The following RBM24 variants were observed in gnomAD, a reference collection of about 807,000 sequenced individuals.
The protein encoded by RBM24 is RNA-binding protein 24.
RBM24 carries 5 observed loss-of-function variants against 23.6 expected under a neutral mutation model. The ratio of observed to expected loss-of-function variants is 0.21; its 90% CI spans 0.11 to 0.45. The LOEUF is 0.45. Among genes scored for constraint, RBM24 ranks in the 20% least tolerant of loss-of-function variants. The pLI is 0.99. For synonymous variants in RBM24, 151 were observed against 129.5 expected, an observed-to-expected ratio of 1.17 and a Z score of -1.13; for missense variants, 252 against 314.6, an observed-to-expected ratio of 0.80 and a Z score of 1.51.
At position 17,292,064 on chromosome 6, in the gene RBM24, C is replaced by G. The variant is rs985943587; in HGVS notation, c.656C>G (p.Ala219Gly). 6.3e-7 allele frequency: 1 copy of G among 1,593,202 alleles called. No homozygotes were observed. Among genetic ancestry groups the G allele is most frequent in the Middle Eastern group, 1.7e-4 (1 of 6,028 alleles). ...GCCGCCGCTGCAGCAGCTGCTGCCGCTGCAGCATTTGGCCAGTACCAGCCT... is the reference window on the plus strand; with the variant it reads ...GCCGCCGCTGCAGCAGCTGCTGCCGGTGCAGCATTTGGCCAGTACCAGCCT... ...AAAAAAAAAA[A>G]AAFGQYQPQQ... Residue 219 changes from alanine to glycine, a missense_variant, in exon 4 of 4, where the codon GCT (alanine) becomes GGT (glycine). Transcript: ENST00000379052.
At chr6:17,284,736 T>G (rs1760142533) in intron 3 of RBM24, 25 bp downstream of exon 3, 3 of 1,572,864 alleles carry the variant, frequency 1.9e-6, no homozygotes, top group Non-Finnish European at 1.7e-6. Flanking sequence ...CAGGCTTTCT[T>G]AAGTTTCAGT....
rs751198285 is a variant in RBM24, at chr6:17,291,869, G to A, written c.461G>A (p.Gly154Glu). 9.3e-6 allele frequency: 15 copies of A among 1,613,810 alleles called. No homozygotes were observed. Among genetic ancestry groups the A allele is most frequent in the East Asian group, 2.2e-5 (1 of 44,880 alleles). The change falls in exon 4 of 4, where the codon GGA becomes GAA. Residue 154 changes from glycine to glutamate, a missense_variant. By Grantham distance (98) the Gly-to-Glu change is moderately conservative. Transcript: ENST00000379052. Reference sequence around the variant, plus strand: ...ACCACCCCTTACATTGATTACACTGGAGCTGCATACGCACAATACTCAGCA... The same window carrying A: ...ACCACCCCTTACATTGATTACACTGAAGCTGCATACGCACAATACTCAGCA... ...ASTTPYIDYT[G>E]AAYAQYSAAA...
chr6:17,281,861 G>A lies in RBM24; in HGVS notation c.168+112G>A. On this transcript the variant is annotated intron_variant, in intron 1 of 3. Transcript: ENST00000379052. This position sits in a 1 kb window ranked among gnomAD's most constrained non-coding sequence, Gnocchi z 7.1. ...TGACCCGTGAGGAGCCCCGCGGGTA[G>A]AGCGGCGCTGCCCCTTCGCTCCGGG... The A allele has an allele frequency of 7.1e-7, 1 of 1,407,192 alleles. No homozygotes were observed. The highest frequency in any genetic ancestry group is 9.7e-7 in the Non-Finnish European group (1 of 1,031,822). 87.2% of individuals were successfully genotyped at this position (1,407,192 alleles called of 1,614,324 possible).
rs1187466747 is a variant in RBM24 at position 17,293,051 on chromosome 6, T to A, written c.*932T>A. ...TGCAGAACTGTCTTAAGGACATTTA[T>A]TTTTTTTCCCTTTTTAAGTAATTTT... On this transcript the variant is annotated 3_prime_UTR_variant, in exon 4 of 4. Transcript: ENST00000379052. 6.6e-6 allele frequency: 1 copy of A among 152,052 alleles called. No homozygotes were observed. Among genetic ancestry groups the A allele is most frequent in the African/African-American group, 2.4e-5 (1 of 41,402 alleles). The allele number at this position is 152,052 out of a possible 1,614,324, so 9.4% of individuals were successfully genotyped here.
Position 17,291,903 on chromosome 6 carries a change from T to C in RBM24, c.495T>C (p.Ala165=). The C allele has an allele frequency of 4.3e-6, 7 of 1,612,672 alleles. No homozygotes were observed. Among genetic ancestry groups the C allele is most frequent in the African/African-American group, 1.3e-5 (1 of 75,046 alleles). The stretch of plus-strand genomic sequence containing the variant: ...ACGCACAATACTCAGCAGCTGCTGC[T>C]GCTGCCGCCGCCGCTGCTGCCTATG... ...AAYAQYSAAA[A]AAAAAAAYDQ... Residue 165 remains alanine, a synonymous_variant, in exon 4 of 4, where the codon GCT becomes GCC. Coordinates refer to ENST00000379052, the MANE Select transcript of RBM24 (RefSeq NM_001143942.2).
At chr6:17,287,468 A>G (rs1760229899) in intron 3 of RBM24, among the ~76,000 whole-genome samples, 1 of 152,166 alleles carries the variant, frequency 6.6e-6, no homozygotes, top group Non-Finnish European at 1.5e-5. Flanking sequence ...TTCCTTATTG[A>G]AACCTTGGAA....
At chr6:17,282,011 T>G in intron 1 of RBM24, 1 of 1,333,640 alleles carries the variant, frequency 7.5e-7, no homozygotes, top group Non-Finnish European at 9.7e-7. Context: ...AGACCTGTAA[T>G]GACGGCGGGA....
At position 17,292,651 on chromosome 6, in the gene RBM24, C is replaced by T. The variant is rs1760407361; in HGVS notation, c.*532C>T. 6.5e-6 allele frequency: 1 copy of T among 152,682 alleles called. No individual in the cohort carries two copies. Among genetic ancestry groups the T allele is most frequent in the African/African-American group, 2.4e-5 (1 of 41,446 alleles). The allele number at this position is 152,682 out of a possible 1,614,324, so 9.5% of individuals were successfully genotyped here. A position where few individuals can be genotyped will look rare whatever the true frequency, so the allele number is the denominator to read the frequency against. On this transcript the variant is annotated 3_prime_UTR_variant, in exon 4 of 4. Coordinates refer to ENST00000379052, the MANE Select transcript of RBM24 (RefSeq NM_001143942.2). The stretch of plus-strand genomic sequence containing the variant: ...AGTCGGAAGGTCCTGTTCTTACTAT[C>T]TCAAAAATGGGCATCGAACAATCAA...
intron 3 of RBM24, chr6:17,289,148 G>A: frequency 3.0e-6 from 3 of 985,342 alleles, no homozygotes; most frequent in Non-Finnish European, 3.6e-6. Context: ...TATGGTTAAG[G>A]AAACGACATT....
rs899310127 is a variant in RBM24 at position 17,281,803 on chromosome 6, G to C, written c.168+54G>C. 2 of 1,535,200 alleles carry C rather than the reference G, an allele frequency of 1.3e-6. No individual in the cohort carries two copies. Among genetic ancestry groups the C allele is most frequent in the Non-Finnish European group, 1.8e-6 (2 of 1,137,460 alleles). On this transcript the variant is annotated intron_variant, in intron 1 of 3. Transcript: ENST00000379052. The surrounding 1 kb of genome is among the most constrained non-coding windows in gnomAD (Gnocchi z 7.1). ...GAGGGACGGAGTGGCGGCTGACCCC[G>C]GGGATCGGGAGCTTGGAGTGAGGGG...
intron 3 of RBM24, chr6:17,288,876 T>C: frequency 2.0e-6 from 2 of 985,410 alleles, no homozygotes; most frequent in Non-Finnish European, 2.4e-6. Flanking sequence ...TGAGTTTGGT[T>C]TTTTAGGGGC....
chr6:17,292,807 A>G lies in RBM24; in HGVS notation c.*688A>G, dbSNP rs1385296528. ...GGTGCAACAGCTGTACAGACAATCA[A>G]TAACACACACAGTTCTGGAAAGAAC... On this transcript the variant is annotated 3_prime_UTR_variant, in exon 4 of 4. Transcript: ENST00000379052. The G allele has an allele frequency of 6.6e-6, 1 of 152,660 alleles. No individual in the cohort carries two copies. The highest frequency in any genetic ancestry group is 1.5e-5 in the Non-Finnish European group (1 of 68,044). The allele number at this position is 152,660 out of a possible 1,614,324, so 9.5% of individuals were successfully genotyped here. A position where few individuals can be genotyped will look rare whatever the true frequency, so the allele number is the denominator to read the frequency against.
At chr6:17,289,374 C>A in intron 3 of RBM24, 1 of 985,364 alleles carries the variant, frequency 1.0e-6, no homozygotes, top group African/African-American at 1.7e-5. Context: ...TTTCATTTGC[C>A]TTCCAGACGT....
intron 3 of RBM24, chr6:17,288,576 C>A (rs1041996875): frequency 3.0e-6 from 3 of 985,224 alleles, no homozygotes; most frequent in African/African-American, 3.5e-5. Flanking sequence ...TGAGACTAAA[C>A]GATAAAGCAA....
chr6:17,289,497 T>C (rs2113408605), intron 3 of RBM24: 1 of 985,450 alleles, frequency 1.0e-6, no homozygotes, highest in Non-Finnish European at 1.2e-6. Flanking sequence ...GCAAAGTAAA[T>C]GCAGAGCTAA....
At position 17,291,680 on chromosome 6, in the gene RBM24, GTTTGT is replaced by G. The variant is rs535925541; in HGVS notation, c.348-72_348-68del. 4.1e-5 allele frequency: 60 copies of G among 1,479,890 alleles called. No homozygotes were observed. The East Asian group carries it at 5.9e-4, about 15-fold the overall frequency. 91.7% of individuals were successfully genotyped at this position (1,479,890 alleles called of 1,614,324 possible). ...TGCTCATAATAACCACTAAATTTGA[GTTTGT>G]TTTATCTTTGAACAACATGCTACAG... On this transcript the variant is annotated intron_variant, in intron 3 of 3. Transcript: ENST00000379052.
rs1283656947 is a variant in RBM24 at position 17,284,906 on chromosome 6, C to A, written c.347+195C>A. The A allele has an allele frequency of 7.1e-6, 3 of 422,202 alleles. No homozygotes were observed. In the East Asian group the frequency reaches 1.1e-4, roughly 15 times the overall value. 26.2% of individuals were successfully genotyped at this position (422,202 alleles called of 1,614,324 possible). On this transcript the variant is annotated intron_variant, in intron 3 of 3. Coordinates refer to ENST00000379052, the MANE Select transcript of RBM24 (RefSeq NM_001143942.2). Reference sequence around the variant, plus strand: ...TCAAGTTATCTGACCAAGTATGCAGCCTCCAAACGAGACAAATTTTGAGCT... The same window carrying A: ...TCAAGTTATCTGACCAAGTATGCAGACTCCAAACGAGACAAATTTTGAGCT...
intron 3 of RBM24, among the ~76,000 whole-genome samples, chr6:17,286,897 C>G (rs1760214937): frequency 6.6e-6 from 1 of 152,152 alleles, no homozygotes; most frequent in Non-Finnish European, 1.5e-5. Flanking sequence ...TAGATCAGTT[C>G]TTAAGAAAGA....
chr6:17,281,735 C>A lies in RBM24; in HGVS notation c.154C>A (p.Arg52=). The A allele has an allele frequency of 6.4e-7, 1 of 1,550,484 alleles. No homozygotes were observed. The highest frequency in any genetic ancestry group is 8.7e-7 in the Non-Finnish European group (1 of 1,146,608). Residue 52 remains arginine, a synonymous_variant, in exon 1 of 4, where the codon CGG becomes AGG. Transcript: ENST00000379052. The surrounding 1 kb of genome is among the most constrained non-coding windows in gnomAD (Gnocchi z 7.1). The part of the protein sequence containing the change: ...VITDRQTGKS[R]GYGFVTMADR... ...CACCGACCGGCAGACGGGCAAGTCC[C>A]GGGGCTATGGATTTGTAAGTTGCAC...
Sources: allele counts gnomAD v4.1 joint callset (sites outside exome capture counted in the v4.1 genomes callset), GRCh38; gene constraint gnomAD v4.1.1; non-coding constraint Gnocchi (gnomAD v3.1); transcripts MANE v1.5; gene names NCBI Gene and HGNC (gene_info 2026-07-23, HGNC 2026-07-21).